PRKAR1B: variants seen among roughly 807,000 people sequenced by gnomAD.
PRKAR1B encodes the protein cAMP-dependent protein kinase type I-beta regulatory subunit.
PRKAR1B carries 22 observed loss-of-function variants against 46.5 expected under a neutral mutation model. The ratio of observed to expected loss-of-function variants is 0.47; its 90% CI spans 0.34 to 0.68. The LOEUF is 0.68. PRKAR1B is among the 30% of genes least tolerant of loss of function. PRKAR1B has a pLI of 0.01. For missense variants in PRKAR1B, 445 were observed against 535.6 expected, an observed-to-expected ratio of 0.83 and a Z score of 1.67; for synonymous variants, 259 against 217.7, an observed-to-expected ratio of 1.19 and a Z score of -1.67.
chr7:618,278 G>A (rs1485200776), intron 4 of PRKAR1B, among the ~76,000 whole-genome samples: 8 of 152,198 alleles, frequency 5.3e-5, no homozygotes, highest in Admixed American at 1.3e-4. Context: ...CCTGTGTTTC[G>A]TGGGACATCC....
rs1784181857 is a variant in PRKAR1B at position 551,380 on chromosome 7, T to C, written c.973+9A>G. 2.6e-6 allele frequency: 4 copies of C among 1,553,670 alleles called. No homozygotes were observed. The highest frequency in any genetic ancestry group is 1.8e-4 in the Middle Eastern group (1 of 5,696). The stretch of plus-strand genomic sequence containing the variant: ...GCCGTGCGAGGGAGGGGACGCCCAC[T>C]GGACTCACCGAAGTAGTCAGAGGGT... On this transcript the variant is annotated intron_variant, in intron 10 of 10. Transcript: ENST00000537384.
chr7:713,766 C>T (rs999097818), intron 1 of PRKAR1B, among the ~76,000 whole-genome samples: 3 of 152,230 alleles, frequency 2.0e-5, no homozygotes, highest in South Asian at 2.1e-4. Flanking sequence ...ACCAGCCCTG[C>T]CGAGCACATT....
chr7:584,400 C>A, intron 8 of PRKAR1B, 108 bp downstream of exon 8: 1 of 923,490 alleles, frequency 1.1e-6, no homozygotes, highest in Middle Eastern at 2.8e-4. Flanking sequence ...CTCCATAATA[C>A]CAACAACACT....
chr7:696,024 A>G (rs1779720644), intron 2 of PRKAR1B, among the ~76,000 whole-genome samples: 1 of 135,502 alleles, frequency 7.4e-6, no homozygotes, highest in Non-Finnish European at 1.5e-5. Flanking sequence ...GCTGGAGTAT[A>G]GTGGCGTGAC....
chr7:705,749 G>A (rs560787941), intron 2 of PRKAR1B, among the ~76,000 whole-genome samples: 10 of 152,224 alleles, frequency 6.6e-5, no homozygotes, highest in Non-Finnish European at 1.0e-4. Context: ...CAGATGAGGC[G>A]GGCACTGTGG....
chr7:572,439 C>T (rs909678044), intron 9 of PRKAR1B, among the ~76,000 whole-genome samples: 7 of 152,126 alleles, frequency 4.6e-5, no homozygotes, highest in African/African-American at 1.4e-4. Context: ...GCGGGGGTCT[C>T]GGGAGTTGGG....
In PRKAR1B at chr7:713,581, T is replaced by A. The variant is rs114813078; in HGVS notation, c.-22-2054A>T. 8.6e-3 allele frequency among the ~76,000 whole-genome samples: 1,290 copies of A among 150,560 alleles called. 11 individuals carry two copies. Among genetic ancestry groups the A allele is most frequent in the Middle Eastern group, 0.031 (9 of 288 alleles). ...CTGGTCCACACTCACGTATACACAC[T>A]CACCGTCTCCCAGTCAGCCCTCCCA... On this transcript the variant is annotated intron_variant, in intron 1 of 10. Coordinates refer to ENST00000537384, the MANE Select transcript of PRKAR1B (RefSeq NM_001164760.2).
In PRKAR1B at chr7:607,335, T is replaced by C. The variant is rs1782148700; in HGVS notation, c.502+56A>G. ...GCCCTTATGCTATTTTTTTTTTAAG[T>C]GCATAGTCCATTTTTCCCCTCTGGA... is the stretch of plus-strand genomic sequence containing the variant. On this transcript the variant is annotated intron_variant, in intron 5 of 10. Transcript: ENST00000537384. The C allele has an allele frequency of 3.3e-6, 5 of 1,522,570 alleles. No homozygotes were observed. In the East Asian group the frequency reaches 9.1e-5, roughly 28 times the overall value. 94.3% of individuals were successfully genotyped at this position (1,522,570 alleles called of 1,614,324 possible). A position where few individuals can be genotyped will look rare whatever the true frequency, so the allele number is the denominator to read the frequency against.
intron 4 of PRKAR1B, among the ~76,000 whole-genome samples, chr7:657,259 G>GGACA (rs1297740381): frequency 3.1e-5 from 3 of 96,472 alleles, no homozygotes; most frequent in Admixed American, 8.8e-5. Flanking sequence ...ATGGATGAAT[G>GGACA]GACGGACGGA....
At chr7:553,774 G>C (rs1193271387) in intron 9 of PRKAR1B, among the ~76,000 whole-genome samples, 4 of 152,242 alleles carry the variant, frequency 2.6e-5, no homozygotes, top group African/African-American at 9.6e-5. Flanking sequence ...GCTGGTGCCC[G>C]CCACGCCTAG....
intron 1 of PRKAR1B, among the ~76,000 whole-genome samples, chr7:711,918 C>A (rs1780656460): frequency 1.3e-5 from 2 of 151,974 alleles, no homozygotes; most frequent in Admixed American, 6.6e-5. Flanking sequence ...TTTTTGGGGG[C>A]ACTTATGTGA....
At chr7:657,500 T>A (rs1304007554) in intron 4 of PRKAR1B, among the ~76,000 whole-genome samples, 1 of 152,194 alleles carries the variant, frequency 6.6e-6, no homozygotes, top group Non-Finnish European at 1.5e-5. Context: ...CTCAGAGGAC[T>A]TCGTGTCTCT....
intron 6 of PRKAR1B, among the ~76,000 whole-genome samples, chr7:597,108 T>C (rs1781309243): frequency 6.6e-6 from 1 of 152,276 alleles, no homozygotes; most frequent in South Asian, 2.1e-4. Flanking sequence ...TCCGTTACTA[T>C]AAATTGACAC....
At chr7:576,108 G>C (rs566775257) in intron 9 of PRKAR1B, among the ~76,000 whole-genome samples, 55 of 122,750 alleles carry the variant, frequency 4.5e-4, no homozygotes, top group African/African-American at 1.5e-3. Context: ...CGCTGGCATA[G>C]TCTCCTCTGC....
At chr7:588,603 A>G (rs28687262) in intron 7 of PRKAR1B, among the ~76,000 whole-genome samples, 474 of 11,550 alleles carry the variant, frequency 0.041, 27 homozygotes, top group African/African-American at 0.16. Flanking sequence ...GACGGTGGTG[A>G]TGGTGATGGT....
intron 2 of PRKAR1B, among the ~76,000 whole-genome samples, chr7:704,892 A>G (rs1225301978): frequency 6.6e-6 from 1 of 152,234 alleles, no homozygotes; most frequent in Non-Finnish European, 1.5e-5. Context: ...AATAAGAAAA[A>G]TGGACAAAAT....
intron 9 of PRKAR1B, among the ~76,000 whole-genome samples, chr7:571,830 T>C (rs892687628): frequency 6.6e-6 from 1 of 152,122 alleles, no homozygotes; most frequent in African/African-American, 2.4e-5. Flanking sequence ...CGCTCCACTT[T>C]CCCGTCCGCG....
intron 1 of PRKAR1B, chr7:726,894 G>A (rs1583467700): frequency 2.2e-5 from 29 of 1,336,860 alleles, no homozygotes; most frequent in Non-Finnish European, 2.6e-5. Context: ...GCGCGCTGGA[G>A]GAGCCAGGCC....
intron 4 of PRKAR1B, 80 bp downstream of exon 4, chr7:677,149 G>A: frequency 7.3e-7 from 1 of 1,374,088 alleles, no homozygotes. Context: ...GTGATGCCCA[G>A]GCAAGTGGCG....
Sources: allele counts gnomAD v4.1 joint callset (sites outside exome capture counted in the v4.1 genomes callset), GRCh38; gene constraint gnomAD v4.1.1; transcripts MANE v1.5; gene names NCBI Gene and HGNC (gene_info 2026-07-23, HGNC 2026-07-21).